Variants in RTBDN observed in about 807,000 individuals in gnomAD.
The protein encoded by RTBDN is retbindin.
Under a neutral mutation model 21.9 loss-of-function variants are expected in RTBDN, and 24 were observed. The observed-to-expected ratio is 1.10, with a 90% CI of 0.79 to 1.54. The LOEUF is 1.54. RTBDN is among the 40% of genes most tolerant of loss of function. The pLI, the probability that RTBDN is intolerant of heterozygous loss-of-function variation, is 0.00. For synonymous variants in RTBDN, 141 were observed against 125.9 expected (o/e 1.12, Z -0.80); for missense variants, 325 against 315.2 (o/e 1.03, Z -0.23).
chr19:12,828,827 G>A (rs1270374861), intron 3 of RTBDN, 42 bp downstream of exon 3: 1 of 1,614,030 alleles, frequency 6.2e-7, no homozygotes, highest in Non-Finnish European at 8.5e-7. Flanking sequence ...CCTGGGCAAT[G>A]GGCAAAGTAC....
chr19:12,833,237 G>A (rs530246540), intron 1 of RTBDN, among the ~76,000 whole-genome samples: 2 of 152,258 alleles, frequency 1.3e-5, no homozygotes, highest in Non-Finnish European at 2.9e-5. Flanking sequence ...TCTCCTCAGT[G>A]AAAATGTTTC....
At chr19:12,833,041 C>A (rs1969634051) in intron 1 of RTBDN, 2 of 152,292 alleles carry the variant, frequency 1.3e-5, no homozygotes, top group Non-Finnish European at 2.9e-5. Context: ...CCCTCTCCAA[C>A]TACCAGCTAA....
At chr19:12,827,608 C>T (rs1969366054) in intron 4 of RTBDN, among the ~76,000 whole-genome samples, 1 of 151,996 alleles carries the variant, frequency 6.6e-6, no homozygotes, top group Non-Finnish European at 1.5e-5. Flanking sequence ...CAAGCATGAG[C>T]CACTACGTCC....
chr19:12,830,550 C>T lies in RTBDN; in HGVS notation c.-18-553G>A, dbSNP rs1969531726. 2.0e-6 allele frequency: 2 copies of T among 984,978 alleles called. No homozygotes were observed. The highest frequency in any genetic ancestry group is 9.4e-5 in the South Asian group (2 of 21,284). The allele number at this position is 984,978 out of a possible 1,614,324, so 61.0% of individuals were successfully genotyped here. A position where few individuals can be genotyped will look rare whatever the true frequency, so the allele number is the denominator to read the frequency against. On this transcript the variant is annotated intron_variant, in intron 1 of 5. Transcript: ENST00000674343. This position sits in a 1 kb window ranked among gnomAD's most constrained non-coding sequence, Gnocchi z 4.2. ...GGGGCCCAAAGCCCCGAGGCAGGGA[C>T]AGCTAGCGGTCTGTGGAGACAAGAC...
chr19:12,830,186 C>A lies in RTBDN; in HGVS notation c.-18-189G>T, dbSNP rs1251367713. ...GGCCTGCCTCCAACCTAGGAGCCCC[C>A]CTCCCATCAGAACCATGTCCTCTAT... On this transcript the variant is annotated intron_variant, in intron 1 of 5. Coordinates refer to ENST00000674343, the MANE Select transcript of RTBDN (RefSeq NM_001270441.2). The surrounding 1 kb of genome is among the most constrained non-coding windows in gnomAD (Gnocchi z 4.2). The A allele has an allele frequency of 1.3e-5, 17 of 1,332,036 alleles. No homozygotes were observed. Among genetic ancestry groups the A allele is most frequent in the South Asian group, 1.7e-5 (1 of 59,160 alleles). The allele number at this position is 1,332,036 out of a possible 1,614,324, so 82.5% of individuals were successfully genotyped here.
At position 12,825,631 on chromosome 19, in the gene RTBDN, G is replaced by T; in HGVS notation, c.*75C>A. ...CTATTACAGAAGGCCGAGAGGACGAGGGGTGGGGTTCTGGGTGTCCTGAGG... is the reference window on the plus strand; with the variant it reads ...CTATTACAGAAGGCCGAGAGGACGATGGGTGGGGTTCTGGGTGTCCTGAGG... On this transcript the variant is annotated 3_prime_UTR_variant, in exon 6 of 6. Coordinates refer to ENST00000674343, the MANE Select transcript of RTBDN (RefSeq NM_001270441.2). The T allele has an allele frequency of 6.7e-7, 1 of 1,498,266 alleles. No homozygotes were observed. The highest frequency in any genetic ancestry group is 8.9e-7 in the Non-Finnish European group (1 of 1,122,510). The allele number at this position is 1,498,266 out of a possible 1,614,324, so 92.8% of individuals were successfully genotyped here.
In RTBDN at chr19:12,826,170, G is replaced by A. The variant is rs1054300391; in HGVS notation, c.463-237C>T. ...GGGCAGTTGGGGGGCGCGCAGAGAG[G>A]TCTGTATCAAGGCTGGGGTTTTGTA... On this transcript the variant is annotated intron_variant, in intron 5 of 5. Coordinates refer to ENST00000674343, the MANE Select transcript of RTBDN (RefSeq NM_001270441.2). 22 of 1,378,960 alleles carry A rather than the reference G, an allele frequency of 1.6e-5. No individual in the cohort carries two copies. In the East Asian group the frequency reaches 6.0e-4, roughly 38 times the overall value. The allele number at this position is 1,378,960 out of a possible 1,614,324, so 85.4% of individuals were successfully genotyped here.
chr19:12,834,712 C>T (rs1228328537), upstream of RTBDN: 3 of 1,558,414 alleles, frequency 1.9e-6, no homozygotes, highest in Non-Finnish European at 2.7e-6. This position sits in a 1 kb window ranked among gnomAD's most constrained non-coding sequence, Gnocchi z 4.7. Context: ...GTCCACTGCA[C>T]GGAGTGGGAC....
In RTBDN at chr19:12,830,267, A is replaced by G; in HGVS notation, c.-18-270T>C. 8.3e-7 allele frequency: 1 copy of G among 1,203,204 alleles called. No homozygotes were observed. The highest frequency in any genetic ancestry group is 1.5e-5 in the African/African-American group (1 of 64,588). 74.5% of individuals were successfully genotyped at this position (1,203,204 alleles called of 1,614,324 possible). A position where few individuals can be genotyped will look rare whatever the true frequency, so the allele number is the denominator to read the frequency against. On this transcript the variant is annotated intron_variant, in intron 1 of 5. Coordinates refer to ENST00000674343, the MANE Select transcript of RTBDN (RefSeq NM_001270441.2). This position sits in a 1 kb window ranked among gnomAD's most constrained non-coding sequence, Gnocchi z 4.2. ...GACCACAGTGGCCCTCCTCCCATCC[A>G]GCAGGATCTCCCACCTTTTTAGTCT...
chr19:12,829,014 A>C, intron 2 of RTBDN, 61 bp from the exon 3 acceptor site: 1 of 1,603,410 alleles, frequency 6.2e-7, no homozygotes, highest in Non-Finnish European at 8.5e-7. Context: ...TTGGGAACTG[A>C]GGCCTGGGGA....
intron 5 of RTBDN, 94 bp from the exon 6 acceptor site, chr19:12,826,027 GA>G: frequency 6.9e-7 from 1 of 1,443,356 alleles, no homozygotes; most frequent in Non-Finnish European, 9.1e-7. Context: ...ATTCCTTAGG[GA>G]TTGGGGTCAG....
intron 1 of RTBDN, among the ~76,000 whole-genome samples, chr19:12,833,182 T>C (rs1446603967): frequency 1.3e-5 from 2 of 152,120 alleles, no homozygotes; most frequent in Admixed American, 6.5e-5. Context: ...GGGCATAATA[T>C]GTATGCACAT....
chr19:12,829,669 TC>T, intron 2 of RTBDN, 141 bp downstream of exon 2: 1 of 785,980 alleles, frequency 1.3e-6, no homozygotes, highest in Non-Finnish European at 2.0e-6. Context: ...CTAATTCTTA[TC>T]CACCATTCTT....
At chr19:12,833,480 G>C (rs923098395) in intron 1 of RTBDN, among the ~76,000 whole-genome samples, 14 of 152,000 alleles carry the variant, frequency 9.2e-5, no homozygotes, top group Non-Finnish European at 1.8e-4. Context: ...TTCAGGGTTG[G>C]GGGAGTTCTT....
chr19:12,825,825 G>C lies in RTBDN; in HGVS notation c.571C>G (p.Arg191Gly), dbSNP rs1380345433. The change falls in exon 6 of 6, where the codon CGT becomes GGT. Residue 191 changes from arginine (R) to glycine (G), a missense_variant. Coordinates refer to ENST00000674343, the MANE Select transcript of RTBDN (RefSeq NM_001270441.2). ...CFNISISAVP[R>G]PRPGRRGREA... ...CGGCCCCGTCGTCCTGGTCTGGGAC[G>C]AGGTACCGCGGAGATGGAGATGTTG... 5 of 1,613,314 alleles carry C rather than the reference G, an allele frequency of 3.1e-6. No individual in the cohort carries two copies. Among genetic ancestry groups the C allele is most frequent in the Non-Finnish European group, 4.2e-6 (5 of 1,179,800 alleles).
chr19:12,831,929 A>T (rs1006922685), intron 1 of RTBDN, among the ~76,000 whole-genome samples: 1 of 152,124 alleles, frequency 6.6e-6, no homozygotes. Context: ...CTGTGCTTCC[A>T]TTGGTTAAGT....
At position 12,826,875 on chromosome 19, in the gene RTBDN, G is replaced by A; in HGVS notation, c.366-4C>T. ...ATCATCTTCGCAGTTGGCGAACCTG[G>A]AGATGGCGAGTGGAGAGGTGGGTAA... On this transcript the variant is annotated splice_region_variant and splice_polypyrimidine_tract_variant and intron_variant, in intron 4 of 5. Transcript: ENST00000674343. 6.5e-7 allele frequency: 1 copy of A among 1,546,600 alleles called. No individual in the cohort carries two copies. Among genetic ancestry groups the A allele is most frequent in the Non-Finnish European group, 8.7e-7 (1 of 1,143,958 alleles).
chr19:12,831,292 T>C (rs561627092), intron 1 of RTBDN, among the ~76,000 whole-genome samples: 2 of 152,338 alleles, frequency 1.3e-5, no homozygotes, highest in Admixed American at 6.5e-5. Flanking sequence ...TGTGTCCTTC[T>C]GAAGTTTCTG....
upstream of RTBDN, chr19:12,835,012 GC>G: frequency 1.3e-6 from 2 of 1,585,668 alleles, no homozygotes; most frequent in Non-Finnish European, 1.7e-6. Flanking sequence ...TTTAGATAAA[GC>G]CGAGAATGGG....
Sources: allele counts gnomAD v4.1 joint callset (sites outside exome capture counted in the v4.1 genomes callset), GRCh38; gene constraint gnomAD v4.1.1; non-coding constraint Gnocchi (gnomAD v3.1); transcripts MANE v1.5; gene names NCBI Gene and HGNC (gene_info 2026-07-23, HGNC 2026-07-21).